HIVEP1: variants seen among roughly 807,000 people sequenced by gnomAD.
The protein encoded by HIVEP1 is HIVEP zinc finger 1.
In HIVEP1, 36 loss-of-function variants were observed where a neutral mutation model predicts 180.0. The observed-to-expected ratio is 0.20, with a 90% CI of 0.15 to 0.26. The LOEUF is 0.26. HIVEP1 is among the 10% of genes least tolerant of loss of function. The pLI, the probability that HIVEP1 is intolerant of heterozygous loss-of-function variation, is 1.00. For missense variants in HIVEP1, 3,143 were observed against 3,268.7 expected, an observed-to-expected ratio of 0.96 and a Z score of 0.94; for synonymous variants, 1,239 against 1,239.0, an observed-to-expected ratio of 1.00 and a Z score of 0.00.
chr6:12,186,121 C>T, the HIVEP1 span, among the ~76,000 whole-genome samples: 1 of 151,518 alleles, frequency 6.6e-6, no homozygotes, highest in Non-Finnish European at 1.5e-5. Context: ...TTATAATAGC[C>T]AAAAGCAAGT....
intron 7 of HIVEP1, among the ~76,000 whole-genome samples, chr6:12,150,388 G>C (rs1394970908): frequency 6.6e-6 from 1 of 152,214 alleles, no homozygotes; most frequent in African/African-American, 2.4e-5. Flanking sequence ...TAGGAGAACC[G>C]TTTAATATGA....
At chr6:12,043,766 A>G (rs541755506) in intron 2 of HIVEP1, among the ~76,000 whole-genome samples, 19 of 152,156 alleles carry the variant, frequency 1.2e-4, no homozygotes, top group African/African-American at 4.6e-4. Context: ...TTCTCGTTGA[A>G]CCGACGCTGA....
At chr6:12,009,351 T>C (rs1355842332), upstream of HIVEP1, among the ~76,000 whole-genome samples, 1 of 152,148 alleles carries the variant, frequency 6.6e-6, no homozygotes, top group East Asian at 1.9e-4. Context: ...AAAACGTGTG[T>C]TGAGCTTTTC....
At chr6:12,052,435 A>C (rs1770602341) in intron 2 of HIVEP1, among the ~76,000 whole-genome samples, 1 of 152,236 alleles carries the variant, frequency 6.6e-6, no homozygotes, top group Non-Finnish European at 1.5e-5. Flanking sequence ...TGAAACTGTT[A>C]CAATAGTGTC....
rs747869688 is a variant in HIVEP1, at chr6:12,121,710, G to T, written c.1915G>T (p.Val639Leu). 2 of 1,614,188 alleles carry T rather than the reference G, an allele frequency of 1.2e-6. No homozygotes were observed. The highest frequency in any genetic ancestry group is 1.7e-5 in the Admixed American group (1 of 60,022). ...ACTGGAAGGAAAGCAAGACTCTCAC[G>T]TAGGAACGGTACACGCCCAGCTACA... ...NPLEGKQDSH[V>L]GTVHAQLQRQ... Residue 639 changes from valine to leucine, a missense_variant, in exon 4 of 9, where the codon GTA (valine) becomes TTA (leucine). This residue lies in a region of HIVEP1 where 365 missense variants were observed against 344.4 expected (regional missense o/e 1.06). Transcript: ENST00000379388. The surrounding 1 kb of genome is among the most constrained non-coding windows in gnomAD (Gnocchi z 5.3).
intron 2 of HIVEP1, among the ~76,000 whole-genome samples, chr6:12,048,186 C>T (rs1770262811): frequency 1.3e-5 from 2 of 152,182 alleles, no homozygotes; most frequent in African/African-American, 2.4e-5. Flanking sequence ...TTTTAGCTGC[C>T]ATTGGGCCCA....
In HIVEP1 at chr6:12,111,360, C is replaced by T. The variant is rs9470952; in HGVS notation, c.95-8530C>T. On this transcript the variant is annotated intron_variant, in intron 3 of 8. Coordinates refer to ENST00000379388, the MANE Select transcript of HIVEP1 (RefSeq NM_002114.4). ...TACCTGTATTCATTTTCTTTTGCTG[C>T]GTAACAAATTCCTACAAACTTAGCA... is the stretch of plus-strand genomic sequence containing the variant. 3.4e-3 allele frequency among the ~76,000 whole-genome samples: 512 copies of T among 152,306 alleles called. 3 individuals carry two copies. The highest frequency in any genetic ancestry group is 0.01 in the African/African-American group (430 of 41,562).
At chr6:12,070,437 C>G (rs1477135205) in intron 2 of HIVEP1, among the ~76,000 whole-genome samples, 2 of 152,088 alleles carry the variant, frequency 1.3e-5, no homozygotes, top group Non-Finnish European at 2.9e-5. Flanking sequence ...CCTGTAATCT[C>G]AGCACTTTGG....
chr6:12,105,922 A>G (rs556128563), intron 3 of HIVEP1, among the ~76,000 whole-genome samples: 4 of 152,102 alleles, frequency 2.6e-5, no homozygotes, highest in African/African-American at 9.6e-5. Flanking sequence ...CATCCAGTGT[A>G]TGAGACTTGA....
the HIVEP1 span, among the ~76,000 whole-genome samples, chr6:12,209,673 A>ATG: frequency 1.3e-5 from 2 of 152,286 alleles, no homozygotes; most frequent in East Asian, 3.9e-4. Flanking sequence ...ACTTAATGTG[A>ATG]ATTGAGCAAT....
intron 6 of HIVEP1, among the ~76,000 whole-genome samples, chr6:12,131,949 A>G (rs1758446618): frequency 6.6e-6 from 1 of 152,114 alleles, no homozygotes; most frequent in African/African-American, 2.4e-5. Flanking sequence ...GCTAGTATTT[A>G]TGGGCATTTA....
At chr6:12,048,191 G>A (rs534857373) in intron 2 of HIVEP1, among the ~76,000 whole-genome samples, 4 of 152,312 alleles carry the variant, frequency 2.6e-5, no homozygotes, top group African/African-American at 9.6e-5. Context: ...GCTGCCATTG[G>A]GCCCAGTGAT....
chr6:12,117,870 A>G (rs1463945836), intron 3 of HIVEP1, among the ~76,000 whole-genome samples: 1 of 152,170 alleles, frequency 6.6e-6, no homozygotes, highest in East Asian at 1.9e-4. Context: ...AGCTTTTGGA[A>G]GTGGATAGAG....
chr6:12,148,976 T>C (rs1428946464), intron 7 of HIVEP1, among the ~76,000 whole-genome samples: 1 of 152,172 alleles, frequency 6.6e-6, no homozygotes, highest in African/African-American at 2.4e-5. Flanking sequence ...AAGAAAAATG[T>C]CCCACATCAG....
At chr6:12,185,121 CA>C in the HIVEP1 span, among the ~76,000 whole-genome samples, 1 of 152,298 alleles carries the variant, frequency 6.6e-6, no homozygotes, top group African/African-American at 2.4e-5. Flanking sequence ...TAACTGTTTT[CA>C]GACATTGGAC....
chr6:12,201,736 G>T, the HIVEP1 span, among the ~76,000 whole-genome samples: 1 of 152,100 alleles, frequency 6.6e-6, no homozygotes, highest in Non-Finnish European at 1.5e-5. Flanking sequence ...TTTTCATTAA[G>T]GGATGCTTGC....
At chr6:12,209,111 G>A in the HIVEP1 span, among the ~76,000 whole-genome samples, 6 of 152,164 alleles carry the variant, frequency 3.9e-5, no homozygotes, top group African/African-American at 1.4e-4. Context: ...TTGCCTTCTC[G>A]GCAGGTCTCC....
At chr6:12,183,127 AT>A in the HIVEP1 span, among the ~76,000 whole-genome samples, 1 of 152,156 alleles carries the variant, frequency 6.6e-6, no homozygotes, top group Non-Finnish European at 1.5e-5. Flanking sequence ...AAGAAAAATG[AT>A]TTTTTTTAAT....
chr6:12,110,322 TTC>T (rs1354534827), intron 3 of HIVEP1, among the ~76,000 whole-genome samples: 1 of 152,252 alleles, frequency 6.6e-6, no homozygotes, highest in Non-Finnish European at 1.5e-5. Flanking sequence ...AGGCATTGAC[TTC>T]TCTCTAGTAT....
Sources: allele counts gnomAD v4.1 joint callset (sites outside exome capture counted in the v4.1 genomes callset), GRCh38; gene constraint gnomAD v4.1.1; regional missense constraint gnomAD v4.1.1; non-coding constraint Gnocchi (gnomAD v3.1); transcripts MANE v1.5; gene names NCBI Gene and HGNC (gene_info 2026-07-23, HGNC 2026-07-21).